SPINK5: variants seen among roughly 807,000 people sequenced by gnomAD.
SPINK5 encodes serine protease inhibitor Kazal-type 5.
SPINK5 carries 125 observed loss-of-function variants against 151.8 expected under a neutral mutation model. The observed-to-expected ratio is 0.82, with a 90% confidence interval of 0.71 to 0.96. SPINK5 has a LOEUF of 0.96. SPINK5 is among the 40% of genes least tolerant of loss of function. SPINK5 has a pLI of 0.00. For missense variants in SPINK5, 1,194 were observed against 1,291.9 expected, an observed-to-expected ratio of 0.92 and a Z score of 1.16; for synonymous variants, 374 against 395.3, an observed-to-expected ratio of 0.95 and a Z score of 0.64.
At chr5:148,114,742 T>C (rs532546496) in intron 21 of SPINK5, among the ~76,000 whole-genome samples, 15 of 152,372 alleles carry the variant, frequency 9.8e-5, no homozygotes, top group Non-Finnish European at 1.8e-4. Flanking sequence ...CACACTTCCT[T>C]GATAAAATTC....
At position 148,074,143 on chromosome 5, in the gene SPINK5, C is replaced by T. The variant is rs75520726; in HGVS notation, c.282+1923C>T. On this transcript the variant is annotated intron_variant, in intron 4 of 32. Coordinates refer to ENST00000256084, the MANE Select transcript of SPINK5 (RefSeq NM_006846.4). ...TTTTTTCTGCTTAGACTCCGCCCAT[C>T]AGAAATCAACCCTGCTACTCCCTCT... Among the ~76,000 whole-genome samples, 113 of 151,966 alleles carry T rather than the reference C, an allele frequency of 7.4e-4. 2 individuals are homozygous for T. The East Asian group carries it at 0.018, about 24-fold the overall frequency.
intron 26 of SPINK5, among the ~76,000 whole-genome samples, chr5:148,123,177 C>T (rs1754318626): frequency 6.6e-6 from 1 of 151,032 alleles, no homozygotes; most frequent in African/African-American, 2.4e-5. Context: ...AGAGAGACTC[C>T]CGTCTCTACA....
At chr5:148,125,910 G>C (rs1754419776) in intron 29 of SPINK5, 60 bp downstream of exon 29, 1 of 1,609,842 alleles carries the variant, frequency 6.2e-7, no homozygotes, top group Admixed American at 1.7e-5. Context: ...TTTAGAAACT[G>C]CTGCTTGAAT....
chr5:148,126,571 TTTTATTTATTTATTTA>T (rs78833989), intron 29 of SPINK5, among the ~76,000 whole-genome samples: 6 of 149,720 alleles, frequency 4.0e-5, no homozygotes, highest in African/African-American at 7.4e-5. Context: ...TGTGATTCTG[TTTTATTTATTTATTTA>T]TTTATTTATT....
chr5:148,122,866 ATT>A (rs111936279), intron 26 of SPINK5, among the ~76,000 whole-genome samples: 10 of 127,836 alleles, frequency 7.8e-5, no homozygotes, highest in African/African-American at 2.7e-4. Context: ...TCGCACAATA[ATT>A]TTTTTTTTTT....
chr5:148,110,132 T>C (rs1753885524), intron 18 of SPINK5, among the ~76,000 whole-genome samples: 2 of 152,210 alleles, frequency 1.3e-5, no homozygotes, highest in African/African-American at 4.8e-5. Context: ...ATATATTAGC[T>C]TTCTCACTTA....
intron 10 of SPINK5, 79 bp from the exon 11 acceptor site, chr5:148,097,788 T>C (rs1753508165): frequency 6.2e-6 from 9 of 1,450,124 alleles, no homozygotes; most frequent in Non-Finnish European, 8.5e-6. Flanking sequence ...AATTTCTCTT[T>C]TTTCTTTGTA....
intron 30 of SPINK5, among the ~76,000 whole-genome samples, chr5:148,130,053 T>C (rs943479093): frequency 5.3e-5 from 8 of 152,000 alleles, no homozygotes; most frequent in Non-Finnish European, 1.0e-4. Context: ...CTTTGTTCTA[T>C]TTTCTATTTC....
chr5:148,065,102 T>C (rs540095697), intron 1 of SPINK5, among the ~76,000 whole-genome samples: 1 of 152,256 alleles, frequency 6.6e-6, no homozygotes, highest in South Asian at 2.1e-4. Context: ...TTCACATGAG[T>C]ATTATTTTCC....
At chr5:148,075,322 AAAT>A (rs1170448210) in intron 4 of SPINK5, among the ~76,000 whole-genome samples, 16 of 151,426 alleles carry the variant, frequency 1.1e-4, no homozygotes, top group Non-Finnish European at 1.8e-4. Flanking sequence ...GCAACTATTA[AAAT>A]AATTTGATTT....
intron 1 of SPINK5, 83 bp downstream of exon 1, chr5:148,064,182 C>CA (rs1178781131): frequency 2.8e-5 from 41 of 1,489,704 alleles, no homozygotes; most frequent in Admixed American, 6.7e-5. Context: ...CTACTCCTGC[C>CA]AAAAAATGTT....
intron 32 of SPINK5, among the ~76,000 whole-genome samples, chr5:148,135,912 A>G (rs1754684231): frequency 1.3e-5 from 2 of 152,184 alleles, no homozygotes; most frequent in African/African-American, 2.4e-5. Flanking sequence ...ATTATACAGT[A>G]ACTACTAAGA....
At chr5:148,117,989 A>G (rs1328826017) in intron 22 of SPINK5, among the ~76,000 whole-genome samples, 1 of 152,016 alleles carries the variant, frequency 6.6e-6, no homozygotes, top group Non-Finnish European at 1.5e-5. Flanking sequence ...TTTTCTCTGC[A>G]GATGCCAGAC....
rs1554106750 is a variant in SPINK5, at chr5:148,123,386, A to ACATATATATATAGATAGATATAATATAT, written c.2539-447_2539-446insCATATATATATAGATAGATATAATATAT. ...ATTATATTATATACATAACAAGATT[A>ACATATATATATAGATAGATATAATATAT]TATATATATATAGATAGATATAATA... On this transcript the variant is annotated intron_variant, in intron 26 of 32. Coordinates refer to ENST00000256084, the MANE Select transcript of SPINK5 (RefSeq NM_006846.4). Among the ~76,000 whole-genome samples, 27 of 35,872 alleles carry ACATATATATATAGATAGATATAATATAT rather than the reference A, an allele frequency of 7.5e-4. 3 individuals carry two copies. Among genetic ancestry groups the ACATATATATATAGATAGATATAATATAT allele is most frequent in the Admixed American group, 6.8e-3 (16 of 2,366 alleles). 23.5% of individuals were successfully genotyped at this position (35,872 alleles called of 152,430 possible). A position where few individuals can be genotyped will look rare whatever the true frequency, so the allele number is the denominator to read the frequency against.
In SPINK5 at chr5:148,111,889, C is replaced by T. The variant is rs1472020500; in HGVS notation, c.1814C>T (p.Ala605Val). ...GGCAACACCTGCTCCATGTGTGAAG[C>T]CTTCTTGTGAGTGGGCGGCAGCCAC... ...IHGNTCSMCE[A>V]FFQQEAKEKE... The change falls in exon 19 of 33, where the codon GCC becomes GTC. Residue 605 changes from alanine to valine, a missense_variant. Physicochemically the swap from Ala to Val is moderately conservative, Grantham distance 64. Transcript: ENST00000256084. 2 of 1,613,936 alleles carry T rather than the reference C, an allele frequency of 1.2e-6. No individual in the cohort carries two copies. Among genetic ancestry groups the T allele is most frequent in the Non-Finnish European group, 1.7e-6 (2 of 1,179,888 alleles).
chr5:148,114,268 CTCTTT>C, intron 20 of SPINK5, 89 bp from the exon 21 acceptor site: 1 of 1,295,964 alleles, frequency 7.7e-7, no homozygotes, highest in African/African-American at 1.5e-5. Context: ...CATTTTCTCT[CTCTTT>C]TTTTTTTTTC....
chr5:148,083,189 T>C (rs1753065498), intron 4 of SPINK5, among the ~76,000 whole-genome samples: 1 of 151,594 alleles, frequency 6.6e-6, no homozygotes, highest in Admixed American at 6.6e-5. Flanking sequence ...TTGTCCTTCT[T>C]TGTCACTTAT....
intron 3 of SPINK5, 136 bp downstream of exon 3, chr5:148,070,586 C>G: frequency 5.5e-6 from 6 of 1,083,528 alleles, no homozygotes; most frequent in Non-Finnish European, 8.0e-6. Context: ...GCAGATCACT[C>G]TGACATTTCC....
At chr5:148,070,780 G>A (rs1438900891) in intron 3 of SPINK5, among the ~76,000 whole-genome samples, 1 of 152,082 alleles carries the variant, frequency 6.6e-6, no homozygotes, top group Non-Finnish European at 1.5e-5. Flanking sequence ...GACAAAGAAA[G>A]TCAGATTCCT....
Sources: gnomAD v4.1 joint callset for allele counts (sites outside exome capture counted in the v4.1 genomes callset) on GRCh38, gnomAD v4.1.1 for gene constraint, MANE v1.5 for transcripts, NCBI Gene and HGNC (gene_info 2026-07-23, HGNC 2026-07-21) for gene names.